Variants in NUP98 observed in about 807,000 individuals in gnomAD.
NUP98 encodes nuclear pore complex protein Nup98-Nup96.
NUP98 carries 26 observed loss-of-function variants against 191.9 expected under a neutral mutation model. That is an observed-to-expected ratio of 0.14 (90% CI 0.10 to 0.19). The LOEUF (loss-of-function observed/expected upper bound fraction) is 0.19, where lower values mean the gene tolerates loss of function less well. NUP98 is among the 10% of genes least tolerant of loss of function. The pLI, the probability that NUP98 is intolerant of heterozygous loss-of-function variation, is 1.00. For missense variants in NUP98, 1,941 were observed against 2,178.8 expected (o/e 0.89, Z 2.17); for synonymous variants, 808 against 778.4 (o/e 1.04, Z -0.63).
chr11:3,742,996 A>T (rs1373179492), intron 12 of NUP98, among the ~76,000 whole-genome samples: 1 of 151,814 alleles, frequency 6.6e-6, no homozygotes, highest in Non-Finnish European at 1.5e-5. Flanking sequence ...CTTCCTGTGG[A>T]ATATAATTTT....
intron 29 of NUP98, 28 bp from the exon 30 acceptor site, chr11:3,683,469 T>TC (rs1215107402): frequency 6.2e-7 from 1 of 1,611,026 alleles, no homozygotes; most frequent in African/African-American, 1.3e-5. Flanking sequence ...CTAGAATAAA[T>TC]CCCATCCTCA....
At chr11:3,691,712 C>T (rs1198952566) in intron 27 of NUP98, among the ~76,000 whole-genome samples, 1 of 152,134 alleles carries the variant, frequency 6.6e-6, no homozygotes, top group Non-Finnish European at 1.5e-5. Context: ...CACCACCACA[C>T]CCGGCTAATT....
At chr11:3,682,328 A>G (rs2078006721) in intron 30 of NUP98, among the ~76,000 whole-genome samples, 1 of 152,220 alleles carries the variant, frequency 6.6e-6, no homozygotes, top group South Asian at 2.1e-4. Flanking sequence ...TGTTTGGCAA[A>G]GAGGCTTATC....
At chr11:3,701,715 T>C (rs1179385529) in intron 23 of NUP98, among the ~76,000 whole-genome samples, 7 of 151,370 alleles carry the variant, frequency 4.6e-5, no homozygotes, top group Non-Finnish European at 7.4e-5. Context: ...AGACTGAGTC[T>C]CATTCAGTTG....
chr11:3,736,791 T>A (rs1381529092), intron 12 of NUP98, among the ~76,000 whole-genome samples: 2 of 152,216 alleles, frequency 1.3e-5, no homozygotes, highest in Admixed American at 1.3e-4. Flanking sequence ...GAAGGCAGCA[T>A]ACAAACAAAA....
chr11:3,749,388 G>A (rs936430803), intron 11 of NUP98, among the ~76,000 whole-genome samples: 4 of 152,210 alleles, frequency 2.6e-5, no homozygotes, highest in Non-Finnish European at 5.9e-5. Context: ...ACTTTGGGAG[G>A]CCGAGGCTGG....
intron 14 of NUP98, among the ~76,000 whole-genome samples, chr11:3,728,801 G>C (rs1285902444): frequency 6.6e-6 from 1 of 152,118 alleles, no homozygotes; most frequent in Admixed American, 6.5e-5. Context: ...TGGTAATTCA[G>C]GCAAGAGATA....
rs1406699880 is a variant in NUP98 at position 3,773,736 on chromosome 11, G to A, written c.499C>T (p.Pro167Ser). 1 of 1,608,762 alleles carries A rather than the reference G, an allele frequency of 6.2e-7. No individual in the cohort carries two copies. The highest frequency in any genetic ancestry group is 8.5e-7 in the Non-Finnish European group (1 of 1,177,326). ...TTGACCATAGTATCTGTACCAGTTG[G>A]AGGCTGCAAAGTTAAATAAAGGCAA... ...PTGTTIKFNP[P>S]TGTDTMVKAG... The change falls in exon 6 of 33, where the codon CCA becomes TCA. Residue 167 changes from proline to serine, a missense_variant. Physicochemically the swap from Pro to Ser is moderately conservative, Grantham distance 74. Around this residue, in one of 6 missense-constraint regions of NUP98, gnomAD observed 28 missense variants for 74.0 expected, o/e 0.38. Transcript: ENST00000324932.
chr11:3,760,336 T>C lies in NUP98; in HGVS notation c.1174+203A>G, dbSNP rs895703966. 12 of 649,164 alleles carry C rather than the reference T, an allele frequency of 1.8e-5. No individual in the cohort carries two copies. The highest frequency in any genetic ancestry group is 3.2e-5 in the Non-Finnish European group (12 of 377,724). 40.2% of individuals were successfully genotyped at this position (649,164 alleles called of 1,614,324 possible). ...TGCCTACTAATTATCTCAAGCCATA[T>C]CCAGGACTTTAAACCTTTCCCTCTG... On this transcript the variant is annotated intron_variant, in intron 10 of 32. Transcript: ENST00000324932.
At chr11:3,695,670 G>C in intron 25 of NUP98, 64 bp from the exon 26 acceptor site, 2 of 1,158,122 alleles carry the variant, frequency 1.7e-6, no homozygotes, top group Non-Finnish European at 2.3e-6. Context: ...CAAACACTTG[G>C]GGGCATTATC....
chr11:3,731,014 C>A (rs11029540), intron 14 of NUP98, among the ~76,000 whole-genome samples: 20,796 of 152,164 alleles, frequency 0.14, 1,524 homozygotes, highest in Non-Finnish European at 0.17. Context: ...CACCTGTAAT[C>A]CCAGCACTTT....
chr11:3,748,541 GC>G lies in NUP98; in HGVS notation c.1268-3893del, dbSNP rs1159427199. Among the ~76,000 whole-genome samples, 10 of 152,084 alleles carry G rather than the reference GC, an allele frequency of 6.6e-5. 1 individual carries two copies. The highest frequency in any genetic ancestry group is 2.1e-4 in the South Asian group (1 of 4,826). On this transcript the variant is annotated intron_variant, in intron 11 of 32. Transcript: ENST00000324932. Reference sequence around the variant, plus strand: ...ATCTTGGAAAAAAATAAAACTTGTGGCCCAGCACAGTGGCTTATGCCGGGAG... The same window carrying G: ...ATCTTGGAAAAAAATAAAACTTGTGGCCAGCACAGTGGCTTATGCCGGGAG...
At chr11:3,788,586 T>C (rs1175913469) in intron 1 of NUP98, among the ~76,000 whole-genome samples, 2 of 150,960 alleles carry the variant, frequency 1.3e-5, no homozygotes, top group East Asian at 3.9e-4. Flanking sequence ...AGTGAAATTC[T>C]GTCTCCAAAA....
intron 19 of NUP98, among the ~76,000 whole-genome samples, chr11:3,713,429 A>G (rs1228346976): frequency 2.0e-5 from 3 of 152,204 alleles, no homozygotes; most frequent in Non-Finnish European, 4.4e-5. Flanking sequence ...AAAAATAAAG[A>G]GAATTTGGCT....
intron 14 of NUP98, among the ~76,000 whole-genome samples, chr11:3,727,380 C>T (rs1418940805): frequency 6.6e-6 from 1 of 152,040 alleles, no homozygotes; most frequent in African/African-American, 2.4e-5. Flanking sequence ...GGCAGAACTC[C>T]TGAACAAAAT....
chr11:3,769,457 T>C (rs1220496852), intron 7 of NUP98, among the ~76,000 whole-genome samples: 6 of 150,268 alleles, frequency 4.0e-5, no homozygotes, highest in Non-Finnish European at 7.4e-5. Flanking sequence ...GAAAAAATTA[T>C]GAAACATTAG....
chr11:3,740,826 T>A (rs565973310), intron 12 of NUP98, among the ~76,000 whole-genome samples: 386 of 147,616 alleles, frequency 2.6e-3, no homozygotes, highest in African/African-American at 6.0e-3. Context: ...ATATATATAT[T>A]TTTTTTTTTG....
chr11:3,782,373 T>C (rs1239082951), intron 1 of NUP98, among the ~76,000 whole-genome samples: 1 of 152,098 alleles, frequency 6.6e-6, no homozygotes, highest in Non-Finnish European at 1.5e-5. Context: ...AGGTTAAACT[T>C]CAGATCCCAA....
At chr11:3,793,445 GC>G (rs2082421971) in intron 1 of NUP98, among the ~76,000 whole-genome samples, 1 of 151,618 alleles carries the variant, frequency 6.6e-6, no homozygotes, top group Non-Finnish European at 1.5e-5. Flanking sequence ...GTGTCACTGT[GC>G]CCAACTAATT....
Sources: allele counts gnomAD v4.1 joint callset (sites outside exome capture counted in the v4.1 genomes callset), GRCh38; gene constraint gnomAD v4.1.1; regional missense constraint gnomAD v4.1.1; transcripts MANE v1.5; gene names NCBI Gene and HGNC (gene_info 2026-07-23, HGNC 2026-07-21).